LPP: variants seen among roughly 807,000 people sequenced by gnomAD.
The protein encoded by LPP is lipoma-preferred partner.
LPP carries 38 observed loss-of-function variants against 60.4 expected under a neutral mutation model. That is an observed-to-expected ratio of 0.63 (90% confidence interval 0.49 to 0.83). The LOEUF (loss-of-function observed/expected upper bound fraction) is 0.83. Among genes scored for constraint, LPP ranks in the 40% least tolerant of loss-of-function variants. LPP has a pLI of 0.00. For synonymous variants in LPP, 328 were observed against 290.8 expected (o/e 1.13, Z -1.30); for missense variants, 902 against 783.6 (o/e 1.15, Z -1.80).
In LPP at chr3:188,843,786, C is replaced by CAAAA. The variant is rs544161994; in HGVS notation, c.1411-22405_1411-22402dup. 1.7e-4 allele frequency among the ~76,000 whole-genome samples: 13 copies of CAAAA among 75,728 alleles called. 1 individual carries two copies. Among genetic ancestry groups the CAAAA allele is most frequent in the Admixed American group, 3.0e-4 (2 of 6,676 alleles). The allele number at this position is 75,728 out of a possible 152,430, so 49.7% of individuals were successfully genotyped here. Reference sequence around the variant, plus strand: ...TGGGCGACAGAGCAAGACTCCGTCTCAAAAAAAAAAAATCCTTCCTCTGGG... The same window carrying CAAAA: ...TGGGCGACAGAGCAAGACTCCGTCTCAAAAAAAAAAAAAAAATCCTTCCTCTGGG... On this transcript the variant is annotated intron_variant, in intron 9 of 11. Transcript: ENST00000617246.
At chr3:188,284,271 G>T (rs1490495241) in intron 2 of LPP, among the ~76,000 whole-genome samples, 1 of 152,026 alleles carries the variant, frequency 6.6e-6, no homozygotes, top group African/African-American at 2.4e-5. Context: ...TACAGAGCTG[G>T]AAGTATTTAC....
intron 3 of LPP, among the ~76,000 whole-genome samples, chr3:188,368,375 A>G (rs1361181961): frequency 3.0e-5 from 2 of 67,762 alleles, no homozygotes; most frequent in East Asian, 9.2e-4. Context: ...AGTTGGCTTG[A>G]CCATCATGGC....
At chr3:188,503,016 TTTA>T (rs1413541842) in intron 5 of LPP, among the ~76,000 whole-genome samples, 1 of 152,098 alleles carries the variant, frequency 6.6e-6, no homozygotes, top group Non-Finnish European at 1.5e-5. Flanking sequence ...ACCATTTATA[TTTA>T]TTTTCTATAT....
At chr3:188,672,453 G>A (rs561433434) in intron 7 of LPP, among the ~76,000 whole-genome samples, 20 of 152,236 alleles carry the variant, frequency 1.3e-4, no homozygotes, top group African/African-American at 2.2e-4. Context: ...TGTTGTTGTC[G>A]TTGGATGGAG....
intron 9 of LPP, among the ~76,000 whole-genome samples, chr3:188,835,355 G>C (rs1471776740): frequency 6.6e-6 from 1 of 150,900 alleles, no homozygotes; most frequent in Non-Finnish European, 1.5e-5. Context: ...TGTAATCCCA[G>C]CTACTCAGGA....
chr3:188,571,400 A>G (rs540651453), intron 6 of LPP, among the ~76,000 whole-genome samples: 55 of 152,008 alleles, frequency 3.6e-4, no homozygotes, highest in East Asian at 2.3e-3. Flanking sequence ...CTGTATGCAA[A>G]TGTTTCCAAT....
rs907655456 is a variant in LPP at position 188,784,122 on chromosome 3, T to C, written c.1410+23840T>C. On this transcript the variant is annotated intron_variant, in intron 9 of 11. Transcript: ENST00000617246. ...CCCAAAGTCCGTCGTATCATTCTTA[T>C]GCTTTTGCGTCCTCGTGGCTTAGCT... Among the ~76,000 whole-genome samples the C allele has an allele frequency of 2.6e-5, 4 of 151,850 alleles. No homozygotes were observed. The East Asian group carries it at 5.8e-4, about 22-fold the overall frequency.
intron 4 of LPP, among the ~76,000 whole-genome samples, chr3:188,419,819 G>A (rs994650393): frequency 3.9e-5 from 6 of 152,182 alleles, no homozygotes; most frequent in Non-Finnish European, 7.3e-5. Context: ...GAACACAGAA[G>A]GTGGAGGTTG....
intron 7 of LPP, among the ~76,000 whole-genome samples, chr3:188,701,944 C>CTTTTTTTTTTTTTT (rs35803152): frequency 8.4e-5 from 7 of 83,582 alleles, no homozygotes; most frequent in Non-Finnish European, 1.4e-4. Context: ...GTTTTTTTCC[C>CTTTTTTTTTTTTTT]TTTTTTTTTT....
In LPP at chr3:188,589,671, G is replaced by A. The variant is rs149355253; in HGVS notation, c.430-19490G>A. On this transcript the variant is annotated intron_variant, in intron 6 of 11. Transcript: ENST00000617246. ...TTTTTCTTTACCACTGAAAACTTGC[G>A]AGGCTCAAAGTAGTTTAATTTTTAT... Among the ~76,000 whole-genome samples, 288 of 152,176 alleles carry A rather than the reference G, an allele frequency of 1.9e-3. 12 individuals are homozygous for A. In the South Asian group the frequency reaches 0.04, roughly 21 times the overall value.
chr3:188,301,828 T>C (rs189187276), intron 2 of LPP, among the ~76,000 whole-genome samples: 1 of 152,176 alleles, frequency 6.6e-6, no homozygotes, highest in Non-Finnish European at 1.5e-5. Context: ...TAATTTTTTT[T>C]GTACTTTTTT....
At chr3:188,550,476 G>T (rs775362288) in intron 6 of LPP, among the ~76,000 whole-genome samples, 1 of 150,868 alleles carries the variant, frequency 6.6e-6, no homozygotes, top group Non-Finnish European at 1.5e-5. Context: ...TGCTGGGGAG[G>T]CTGAGGCAGG....
rs1865879286 is a variant in LPP at position 188,708,276 on chromosome 3, T to G, written c.1123T>G (p.Ser375Ala). 1.2e-6 allele frequency: 2 copies of G among 1,614,004 alleles called. No individual in the cohort carries two copies. The highest frequency in any genetic ancestry group is 1.7e-6 in the Non-Finnish European group (2 of 1,179,976). ...APPLQPKGGH[S>A]GQLGPSSVAP... ...GCTTTCTGCCTTTCAGGGTGGCCATTCAGGGCAACTGGGGCCTTCGTCAGT... is the reference window on the plus strand; with the variant it reads ...GCTTTCTGCCTTTCAGGGTGGCCATGCAGGGCAACTGGGGCCTTCGTCAGT... The change falls in exon 8 of 12, where the codon TCA becomes GCA. Residue 375 changes from serine to alanine, a missense_variant. Ser to Ala is a moderately conservative substitution (Grantham distance 99). Transcript: ENST00000617246.
chr3:188,246,062 A>T (rs918060375), intron 2 of LPP, among the ~76,000 whole-genome samples: 2 of 152,218 alleles, frequency 1.3e-5, no homozygotes, highest in Admixed American at 1.3e-4. Flanking sequence ...TGGAGAAATG[A>T]CTTAGAATAT....
At chr3:188,288,220 C>G (rs937994232) in intron 2 of LPP, among the ~76,000 whole-genome samples, 3 of 152,162 alleles carry the variant, frequency 2.0e-5, no homozygotes, top group African/African-American at 4.8e-5. Context: ...TCTTCCTTTG[C>G]CGAAAGCAGG....
chr3:188,407,094 CTG>C (rs747396346), intron 4 of LPP, among the ~76,000 whole-genome samples: 1 of 147,516 alleles, frequency 6.8e-6, no homozygotes, highest in Admixed American at 6.7e-5. Flanking sequence ...AAAAAAAAAA[CTG>C]AAGAATATTA....
At chr3:188,587,009 G>A (rs1432921142) in intron 6 of LPP, among the ~76,000 whole-genome samples, 2 of 151,986 alleles carry the variant, frequency 1.3e-5, no homozygotes, top group East Asian at 1.9e-4. Flanking sequence ...GATTACAGAC[G>A]TGAGCCACCG....
Position 188,349,940 on chromosome 3 carries a change from C to T in LPP, c.-10+8221C>T, listed in dbSNP as rs138101818. Among the ~76,000 whole-genome samples, 140 of 152,346 alleles carry T rather than the reference C, an allele frequency of 9.2e-4. 2 individuals carry two copies. Among genetic ancestry groups the T allele is most frequent in the African/African-American group, 3.2e-3 (132 of 41,568 alleles). On this transcript the variant is annotated intron_variant, in intron 3 of 11. Transcript: ENST00000617246. ...GCAGTCCATGCCCTTTGCTCTTCCTCTCCTTTCCTTCATGCCTCTTCTCCT... is the reference window on the plus strand; with the variant it reads ...GCAGTCCATGCCCTTTGCTCTTCCTTTCCTTTCCTTCATGCCTCTTCTCCT...
At chr3:188,831,276 C>T (rs894482501) in intron 9 of LPP, among the ~76,000 whole-genome samples, 8 of 152,196 alleles carry the variant, frequency 5.3e-5, no homozygotes, top group Non-Finnish European at 1.0e-4. Context: ...AGTGCAAAGA[C>T]TGAGAGCAGC....
Sources: allele counts gnomAD v4.1 joint callset (sites outside exome capture counted in the v4.1 genomes callset), GRCh38; gene constraint gnomAD v4.1.1; transcripts MANE v1.5; gene names NCBI Gene and HGNC (gene_info 2026-07-23, HGNC 2026-07-21).